TBL1X: variants seen among roughly 807,000 people sequenced by gnomAD.
TBL1X encodes the protein transducin beta like 1 X-linked.
Under a neutral mutation model 50.7 loss-of-function variants are expected in TBL1X, and 10 were observed. The observed-to-expected ratio is 0.20, with a 90% CI of 0.12 to 0.33. TBL1X has a LOEUF of 0.33. Ranked by LOEUF, TBL1X falls within the 10% of genes least tolerant of loss-of-function variation. The pLI, the probability that TBL1X is intolerant of heterozygous loss-of-function variation, is 1.00. For synonymous variants in TBL1X, 190 were observed against 214.7 expected (o/e 0.88, Z 1.01); for missense variants, 340 against 504.4 (o/e 0.67, Z 3.12).
At chrX:9,478,932 C>A (rs888896093) in intron 1 of TBL1X, among the ~76,000 whole-genome samples, 1 of 112,386 alleles carries the variant, frequency 8.9e-6, no homozygotes, top group African/African-American at 3.2e-5. Flanking sequence ...GGTTCAAAAG[C>A]TAGAAATGTC....
chrX:9,709,788 G>A (rs1158275346), intron 15 of TBL1X, 28 bp downstream of exon 15: 2 of 1,201,807 alleles, frequency 1.7e-6, no homozygotes, highest in Admixed American at 4.5e-5. Context: ...AGCTGGCACA[G>A]CTCGGTGTTA....
chrX:9,599,922 G>A (rs2082545898), intron 2 of TBL1X, among the ~76,000 whole-genome samples: 1 of 111,552 alleles, frequency 9.0e-6, no homozygotes, highest in Non-Finnish European at 1.9e-5. Flanking sequence ...AACCTCCCTG[G>A]GACTGCTGAT....
intron 2 of TBL1X, among the ~76,000 whole-genome samples, chrX:9,625,840 G>A (rs1030992987): frequency 8.9e-6 from 1 of 112,261 alleles, no homozygotes; most frequent in Non-Finnish European, 1.9e-5. Flanking sequence ...TCGGGAGGCC[G>A]AGGCAGGAGA....
rs1269063050 is a variant in TBL1X at position 9,491,326 on chromosome X, ATATATATATATATTTT to A, written c.-200-10452_-200-10437del. ...TATATTTATATATATATATATATAT[ATATATATATATATTTT>A]TTTTTTTTTTTTCTTTGAGACAGAG... is the stretch of plus-strand genomic sequence containing the variant. On this transcript the variant is annotated intron_variant, in intron 1 of 17. Transcript: ENST00000645353. 7.0e-3 allele frequency among the ~76,000 whole-genome samples: 205 copies of A among 29,327 alleles called. 4 individuals carry two copies. Among genetic ancestry groups the A allele is most frequent in the African/African-American group, 0.023 (184 of 8,157 alleles). 25.5% of individuals were successfully genotyped at this position (29,327 alleles called of 115,157 possible).
chrX:9,545,266 G>A (rs2082236690), intron 2 of TBL1X, among the ~76,000 whole-genome samples: 2 of 111,277 alleles, frequency 1.8e-5, no homozygotes, highest in African/African-American at 6.5e-5. Context: ...CCCTGGCTGG[G>A]TGTGGTGGCT....
chrX:9,514,957 C>T lies in TBL1X; in HGVS notation c.-131+13108C>T, dbSNP rs184853505. 3.9e-3 allele frequency among the ~76,000 whole-genome samples: 436 copies of T among 111,539 alleles called. 1 individual carries two copies. Among genetic ancestry groups the T allele is most frequent in the Middle Eastern group, 0.014 (3 of 216 alleles). On this transcript the variant is annotated intron_variant, in intron 2 of 17. Transcript: ENST00000645353. ...GGAGCTCCTTGACTTTCTTGGAGGC[C>T]GAGGTGGGAGCGTTGGTGACAACCC... is the stretch of plus-strand genomic sequence containing the variant.
intron 5 of TBL1X, 121 bp from the exon 6 acceptor site, chrX:9,683,921 CG>C: frequency 9.5e-7 from 1 of 1,053,264 alleles, no homozygotes. Context: ...ATTCTGCAGC[CG>C]TGTCTGTCCC....
chrX:9,668,340 C>T (rs780155576), intron 5 of TBL1X, among the ~76,000 whole-genome samples: 27 of 105,467 alleles, frequency 2.6e-4, no homozygotes, highest in African/African-American at 9.5e-4. Flanking sequence ...ATGCGGGTCT[C>T]TGATAAGTTT....
intron 2 of TBL1X, among the ~76,000 whole-genome samples, chrX:9,528,484 TA>T (rs1218024630): frequency 9.1e-6 from 1 of 109,769 alleles, no homozygotes; most frequent in Non-Finnish European, 1.9e-5. Context: ...GTCTCTGAAA[TA>T]GAAACGACTG....
At chrX:9,668,537 T>C (rs138270650) in intron 5 of TBL1X, among the ~76,000 whole-genome samples, 16 of 112,465 alleles carry the variant, frequency 1.4e-4, no homozygotes, top group African/African-American at 4.8e-4. Context: ...GAGCAAAATT[T>C]GGAGCATGTT....
At chrX:9,565,634 G>T (rs1290314970) in intron 2 of TBL1X, among the ~76,000 whole-genome samples, 1 of 111,106 alleles carries the variant, frequency 9.0e-6, no homozygotes, top group Non-Finnish European at 1.9e-5. Context: ...TTTGAGACCA[G>T]CCTGGGCAGC....
chrX:9,666,813 A>C (rs951982974), intron 5 of TBL1X, among the ~76,000 whole-genome samples: 2 of 111,987 alleles, frequency 1.8e-5, no homozygotes. Context: ...ATATTACACC[A>C]CAAATTAAAG....
At chrX:9,612,509 C>A (rs1261284981) in intron 2 of TBL1X, among the ~76,000 whole-genome samples, 3 of 112,008 alleles carry the variant, frequency 2.7e-5, no homozygotes, top group African/African-American at 9.8e-5. Context: ...TATTGTAATA[C>A]CTATTTTAAT....
chrX:9,546,975 C>T (rs1409078493), intron 2 of TBL1X, among the ~76,000 whole-genome samples: 2 of 105,480 alleles, frequency 1.9e-5, no homozygotes, highest in East Asian at 3.0e-4. Context: ...CCCGCTACCA[C>T]GCCCGGCTAA....
chrX:9,562,852 C>T (rs1439302407), intron 2 of TBL1X, among the ~76,000 whole-genome samples: 1 of 111,884 alleles, frequency 8.9e-6, no homozygotes, highest in African/African-American at 3.3e-5. Flanking sequence ...GTATTCTAGG[C>T]ACTAAGCTCT....
At position 9,716,605 on chromosome X, in the gene TBL1X, G is replaced by C. The variant is rs2083280109; in HGVS notation, c.*359G>C. 7.2e-6 allele frequency: 1 copy of C among 139,102 alleles called. No individual in the cohort carries two copies. Among genetic ancestry groups the C allele is most frequent in the Non-Finnish European group, 1.4e-5 (1 of 72,285 alleles). The allele number at this position is 139,102 out of a possible 1,213,427, so 11.5% of individuals were successfully genotyped here. A position where few individuals can be genotyped will look rare whatever the true frequency, so the allele number is the denominator to read the frequency against. ...CGTAAAAAGCTGTGCCAAAAAAAAA[G>C]CAAAATGCTGTGATAAACCAAACAG... On this transcript the variant is annotated 3_prime_UTR_variant, in exon 18 of 18. Transcript: ENST00000645353.
chrX:9,521,598 G>A, intron 2 of TBL1X, among the ~76,000 whole-genome samples: 1 of 112,146 alleles, frequency 8.9e-6, no homozygotes, highest in East Asian at 2.8e-4. Flanking sequence ...CCAAATGATT[G>A]CACACTCAAA....
chrX:9,623,855 T>C (rs1264782968), intron 2 of TBL1X, among the ~76,000 whole-genome samples: 1 of 112,043 alleles, frequency 8.9e-6, no homozygotes, highest in Non-Finnish European at 1.9e-5. Context: ...TCCTACACAT[T>C]ATTTGTCACT....
chrX:9,709,696 A>G lies in TBL1X; in HGVS notation c.1375A>G (p.Thr459Ala), dbSNP rs1301396728. 8.3e-7 allele frequency: 1 copy of G among 1,209,279 alleles called. No homozygotes were observed. The highest frequency in any genetic ancestry group is 1.8e-5 in the South Asian group (1 of 56,319). The part of the protein sequence containing the change: ...DLQAHNKEIY[T>A]IKWSPTGPAT... ...TCAGGCTCACAATAAAGAGATCTAC[A>G]CCATCAAGTGGAGCCCCACTGGGCC... Residue 459 changes from threonine to alanine, a missense_variant, in exon 15 of 18, where the codon ACC becomes GCC. Physicochemically the swap from Thr to Ala is moderately conservative, Grantham distance 58. Coordinates refer to ENST00000645353, the MANE Select transcript of TBL1X (RefSeq NM_005647.4).
Sources: gnomAD v4.1 joint callset for allele counts (sites outside exome capture counted in the v4.1 genomes callset) on GRCh38, gnomAD v4.1.1 for gene constraint, MANE v1.5 for transcripts, NCBI Gene and HGNC (gene_info 2026-07-23, HGNC 2026-07-21) for gene names.